The following DCC variants were observed in gnomAD, a reference collection of about 807,000 sequenced individuals.
The protein encoded by DCC is DCC netrin 1 receptor.
A neutral mutation model predicts 172.5 loss-of-function variants in DCC; 58 were observed. That is an observed-to-expected ratio of 0.34 (90% CI 0.27 to 0.42). The LOEUF (loss-of-function observed/expected upper bound fraction) is 0.42. Among genes scored for constraint, DCC ranks in the 10% least tolerant of loss-of-function variants. DCC has a pLI of 1.00. For synonymous variants in DCC, 709 were observed against 644.5 expected, an observed-to-expected ratio of 1.10 and a Z score of -1.52; for missense variants, 1,740 against 1,791.0, an observed-to-expected ratio of 0.97 and a Z score of 0.51.
At chr18:53,244,658 G>A (rs762735243) in intron 12 of DCC, among the ~76,000 whole-genome samples, 30 of 152,142 alleles carry the variant, frequency 2.0e-4, no homozygotes, top group Non-Finnish European at 3.8e-4. Flanking sequence ...TTATCTCCAC[G>A]TGGCCTCTCC....
rs372385052 is a variant in DCC at position 53,410,462 on chromosome 18, A to C, written c.2946A>C (p.Leu982Phe). The change falls in exon 20 of 29, where the codon TTA (leucine) becomes TTC (phenylalanine). Residue 982 changes from leucine (L) to phenylalanine (F), a missense_variant. By Grantham distance (22) the Leu-to-Phe change is conservative. This residue lies in a region of DCC where 1,732 missense variants were observed against 1,767.4 expected (regional missense o/e 0.98). Transcript: ENST00000442544. ...EANGKITAYI[L>F]FYTLDKNIPI... ...TGTCTATTTATGCAGCTTACATCTT[A>C]TTTTATACCTTGGACAAGAACATCC... The C allele has an allele frequency of 4.3e-5, 69 of 1,604,338 alleles. No individual in the cohort carries two copies. The highest frequency in any genetic ancestry group is 5.2e-5 in the Non-Finnish European group (61 of 1,171,234).
intron 1 of DCC, among the ~76,000 whole-genome samples, chr18:52,596,893 C>T (rs1424361529): frequency 6.6e-6 from 1 of 152,174 alleles, no homozygotes; most frequent in Non-Finnish European, 1.5e-5. Flanking sequence ...ATTCAGGAGT[C>T]TCCGTGTTTG....
chr18:53,432,137 TTAA>T (rs1355101347), intron 21 of DCC, among the ~76,000 whole-genome samples: 31 of 151,794 alleles, frequency 2.0e-4, no homozygotes, highest in Non-Finnish European at 2.9e-4. Flanking sequence ...TAAGAATACT[TTAA>T]TAATAATTAA....
intron 1 of DCC, among the ~76,000 whole-genome samples, chr18:52,469,810 A>G (rs1397174497): frequency 6.6e-6 from 1 of 152,172 alleles, no homozygotes; most frequent in Admixed American, 6.5e-5. Context: ...GTGGCCCTGC[A>G]TTACTGGGAC....
intron 2 of DCC, among the ~76,000 whole-genome samples, chr18:52,778,313 C>T (rs895395447): frequency 6.6e-6 from 1 of 152,152 alleles, no homozygotes; most frequent in Non-Finnish European, 1.5e-5. Flanking sequence ...TCTTCAGTTG[C>T]ATGCCTTGGG....
chr18:53,531,878 G>C lies in DCC; in HGVS notation c.*1225G>C, dbSNP rs532429107. On this transcript the variant is annotated 3_prime_UTR_variant, in exon 29 of 29. Coordinates refer to ENST00000442544, the MANE Select transcript of DCC (RefSeq NM_005215.4). Reference sequence around the variant, plus strand: ...GGGGCAGGTGCCACCTGACACTTCCGACATGTAAATCCAGCAGATACTTTT... The same window carrying C: ...GGGGCAGGTGCCACCTGACACTTCCCACATGTAAATCCAGCAGATACTTTT... The C allele has an allele frequency of 6.6e-6, 1 of 152,322 alleles. No homozygotes were observed. Among genetic ancestry groups the C allele is most frequent in the South Asian group, 2.1e-4 (1 of 4,824 alleles). 9.4% of individuals were successfully genotyped at this position (152,322 alleles called of 1,614,324 possible).
chr18:53,252,143 A>G (rs968440579), intron 12 of DCC, among the ~76,000 whole-genome samples: 16 of 151,994 alleles, frequency 1.1e-4, no homozygotes, highest in Middle Eastern at 6.8e-3. Flanking sequence ...AAAAACATCA[A>G]TTACGCTGCT....
intron 7 of DCC, among the ~76,000 whole-genome samples, chr18:53,109,731 C>A (rs1226071124): frequency 6.6e-6 from 1 of 151,524 alleles, no homozygotes; most frequent in African/African-American, 2.4e-5. Flanking sequence ...GAAAACACTG[C>A]TGATATCTAG....
chr18:52,534,919 C>T (rs1428334990), intron 1 of DCC, among the ~76,000 whole-genome samples: 1 of 152,132 alleles, frequency 6.6e-6, no homozygotes, highest in Admixed American at 6.5e-5. Flanking sequence ...TTTGTCCAAC[C>T]TTATTATGTA....
intron 5 of DCC, among the ~76,000 whole-genome samples, chr18:53,003,545 G>A (rs2041598606): frequency 6.6e-6 from 1 of 152,090 alleles, no homozygotes; most frequent in Admixed American, 6.6e-5. Flanking sequence ...AAAGTTGTAA[G>A]GTGCTTGGAG....
chr18:53,253,460 C>T (rs927883603), intron 12 of DCC, among the ~76,000 whole-genome samples: 1 of 152,014 alleles, frequency 6.6e-6, no homozygotes, highest in Non-Finnish European at 1.5e-5. Flanking sequence ...ATCACAGCTT[C>T]AATTAAAGGT....
At chr18:53,187,801 G>C (rs1456272504) in intron 9 of DCC, among the ~76,000 whole-genome samples, 1 of 152,202 alleles carries the variant, frequency 6.6e-6, no homozygotes, top group African/African-American at 2.4e-5. Flanking sequence ...CATGCAATGA[G>C]GAGTTGAGTT....
chr18:52,576,852 A>C (rs1013335182), intron 1 of DCC, among the ~76,000 whole-genome samples: 6 of 151,274 alleles, frequency 4.0e-5, no homozygotes, highest in Admixed American at 3.3e-4. Context: ...AAAGAAAATA[A>C]TGTAGTTTCA....
chr18:52,570,609 T>C (rs1192565157), intron 1 of DCC, among the ~76,000 whole-genome samples: 1 of 152,340 alleles, frequency 6.6e-6, no homozygotes, highest in East Asian at 1.9e-4. Flanking sequence ...GTTAGCATAA[T>C]TTTCACATTT....
At chr18:53,261,687 ATT>A (rs1410869638) in intron 12 of DCC, among the ~76,000 whole-genome samples, 1 of 151,954 alleles carries the variant, frequency 6.6e-6, no homozygotes. Context: ...AATTTTTTGT[ATT>A]TTTAGTAGAG....
At chr18:52,920,101 A>T (rs1220405280) in intron 3 of DCC, among the ~76,000 whole-genome samples, 3 of 152,060 alleles carry the variant, frequency 2.0e-5, no homozygotes, top group African/African-American at 7.2e-5. Context: ...ATTCAAACAC[A>T]AAATTATGAA....
chr18:52,344,971 G>A (rs1431063321), intron 1 of DCC, among the ~76,000 whole-genome samples: 2 of 152,074 alleles, frequency 1.3e-5, no homozygotes, highest in East Asian at 1.9e-4. Flanking sequence ...ATTACATAAG[G>A]GCACTTGCAA....
chr18:52,986,745 T>C (rs188862406), intron 5 of DCC, among the ~76,000 whole-genome samples: 41 of 152,084 alleles, frequency 2.7e-4, no homozygotes, highest in African/African-American at 9.4e-4. Context: ...CACATATATA[T>C]ACACACACAC....
chr18:52,946,418 G>A (rs569114167), intron 5 of DCC, among the ~76,000 whole-genome samples: 17 of 152,260 alleles, frequency 1.1e-4, no homozygotes, highest in East Asian at 5.8e-4. Flanking sequence ...AGGTATTGCC[G>A]CAATAATACT....
Sources: gnomAD v4.1 joint callset for allele counts (sites outside exome capture counted in the v4.1 genomes callset) on GRCh38, gnomAD v4.1.1 for gene constraint, gnomAD v4.1.1 regional missense constraint, MANE v1.5 for transcripts, NCBI Gene and HGNC (gene_info 2026-07-23, HGNC 2026-07-21) for gene names.